TRMT10B: variants seen among roughly 807,000 people sequenced by gnomAD.
The protein encoded by TRMT10B is tRNA methyltransferase 10 homolog B.
A neutral mutation model predicts 43.8 loss-of-function variants in TRMT10B; 33 were observed. The observed-to-expected ratio is 0.75, with a 90% CI of 0.57 to 1.01. The LOEUF is 1.01. Ranked by LOEUF, TRMT10B falls within the 50% of genes least tolerant of loss-of-function variation. The pLI is 0.00. For missense variants in TRMT10B, 362 were observed against 369.8 expected, an observed-to-expected ratio of 0.98 and a Z score of 0.17; for synonymous variants, 137 against 130.6, an observed-to-expected ratio of 1.05 and a Z score of -0.34.
intron 4 of TRMT10B, chr9:37,766,875 T>G (rs942275164): frequency 4.6e-5 from 7 of 152,234 alleles, no homozygotes; most frequent in African/African-American, 1.7e-4. Flanking sequence ...TTTGGCTGTT[T>G]GTCTGTTATT....
chr9:37,769,618 G>GT (rs796085877), intron 5 of TRMT10B: 7,344 of 178,608 alleles, frequency 0.041, 54 homozygotes, highest in South Asian at 0.074. Flanking sequence ...TTTGAGCGGG[G>GT]TTTTTTTTTT....
At chr9:37,773,834 T>TAC in intron 7 of TRMT10B, among the ~76,000 whole-genome samples, 1 of 151,232 alleles carries the variant, frequency 6.6e-6, no homozygotes, top group Non-Finnish European at 1.5e-5. Flanking sequence ...CTCTGTTTCA[T>TAC]ACACACACAA....
At chr9:37,763,809 G>A (rs945645013) in intron 4 of TRMT10B, 56 bp downstream of exon 4, 10 of 1,611,672 alleles carry the variant, frequency 6.2e-6, no homozygotes, top group Non-Finnish European at 8.5e-6. Context: ...GCCCAGAAGG[G>A]TACAGCTTTC....
intron 5 of TRMT10B, 98 bp from the exon 6 acceptor site, chr9:37,769,843 T>G (rs1827370551): frequency 1.1e-6 from 1 of 908,364 alleles, no homozygotes; most frequent in Admixed American, 1.7e-5. Context: ...GCTCAAGTGA[T>G]CCTTCCACCT....
intron 5 of TRMT10B, 47 bp downstream of exon 5, chr9:37,768,275 T>C (rs757268025): frequency 2.6e-6 from 4 of 1,548,908 alleles, no homozygotes; most frequent in Non-Finnish European, 3.5e-6. Context: ...TGAAAAGTTA[T>C]TGTGGTTAAT....
intron 4 of TRMT10B, among the ~76,000 whole-genome samples, chr9:37,764,475 C>A (rs978150240): frequency 3.9e-5 from 6 of 152,008 alleles, no homozygotes; most frequent in African/African-American, 1.5e-4. Context: ...GCTCCTGCCA[C>A]CATGCCCAGC....
intron 3 of TRMT10B, 132 bp from the exon 4 acceptor site, chr9:37,763,497 T>C: frequency 2.8e-6 from 2 of 722,882 alleles, no homozygotes; most frequent in Non-Finnish European, 4.5e-6. Context: ...GTAAATCTTC[T>C]AATGAACGAA....
chr9:37,765,062 T>C (rs1391173030), intron 4 of TRMT10B, among the ~76,000 whole-genome samples: 1 of 152,182 alleles, frequency 6.6e-6, no homozygotes, highest in Non-Finnish European at 1.5e-5. Flanking sequence ...CCAAAACTCC[T>C]TAGGGATAAA....
intron 3 of TRMT10B, among the ~76,000 whole-genome samples, chr9:37,763,143 CAAAAAA>C (rs747893643): frequency 2.0e-5 from 1 of 50,212 alleles, no homozygotes; most frequent in Non-Finnish European, 3.9e-5. Context: ...GACTCTGTCT[CAAAAAA>C]AAAAAAAAAA....
chr9:37,753,591 G>T (rs1479407789), upstream of TRMT10B, among the ~76,000 whole-genome samples: 1 of 152,190 alleles, frequency 6.6e-6, no homozygotes, highest in Non-Finnish European at 1.5e-5. Context: ...AAGGGTTGGG[G>T]TTGTAATAGC....
chr9:37,755,456 T>C (rs755759166), intron 1 of TRMT10B, among the ~76,000 whole-genome samples: 11 of 152,188 alleles, frequency 7.2e-5, no homozygotes, highest in East Asian at 1.9e-4. Flanking sequence ...GCATAGATAA[T>C]GTCCCACACA....
chr9:37,764,037 C>T (rs534324525), intron 4 of TRMT10B, among the ~76,000 whole-genome samples: 3 of 152,316 alleles, frequency 2.0e-5, no homozygotes, highest in East Asian at 1.9e-4. Context: ...CTGGATGGAA[C>T]CTTTCAGGTT....
intron 7 of TRMT10B, 133 bp from the exon 8 acceptor site, chr9:37,776,149 C>T (rs1828114387): frequency 1.3e-6 from 1 of 774,092 alleles, no homozygotes; most frequent in African/African-American, 1.8e-5. Context: ...CACATAAGCT[C>T]TTGAGACAGT....
At position 37,776,382 on chromosome 9, in the gene TRMT10B, CAG is replaced by C. The variant is rs1209038901; in HGVS notation, c.825_826del (p.Glu275AspfsTer9). On this transcript the variant is annotated frameshift_variant, in exon 8 of 9. Transcript: ENST00000297994. LOFTEE classifies it high-confidence loss of function. ...AACCAGAATGGGAAAAACTATCATT[CAG>C]AGATACTGGCCATCAATCAAGGTAC... The C allele has an allele frequency of 3.1e-6, 5 of 1,611,210 alleles. No homozygotes were observed. The highest frequency in any genetic ancestry group is 4.2e-6 in the Non-Finnish European group (5 of 1,178,922).
At chr9:37,764,514 G>T (rs558846512) in intron 4 of TRMT10B, among the ~76,000 whole-genome samples, 44 of 151,742 alleles carry the variant, frequency 2.9e-4, no homozygotes, top group Non-Finnish European at 5.2e-4. Context: ...GTAGAGATGG[G>T]GTTTCACCAT....
At chr9:37,759,340 C>T (rs1352718219) in intron 1 of TRMT10B, among the ~76,000 whole-genome samples, 1 of 152,132 alleles carries the variant, frequency 6.6e-6, no homozygotes, top group Non-Finnish European at 1.5e-5. Flanking sequence ...GTATAAGTCT[C>T]AAATATTTTG....
rs1465839698 is a variant in TRMT10B at position 37,770,654 on chromosome 9, C to G, written c.653-18C>G. The G allele has an allele frequency of 6.2e-7, 1 of 1,608,266 alleles. No homozygotes were observed. Among genetic ancestry groups the G allele is most frequent in the Non-Finnish European group, 8.5e-7 (1 of 1,176,460 alleles). On this transcript the variant is annotated intron_variant, in intron 6 of 8. Transcript: ENST00000297994. ...TATAAAACAGATTTGATCTCATTGG[C>G]CTTCATTTTTTCATTAGCTCTTGAA...
intron 7 of TRMT10B, among the ~76,000 whole-genome samples, chr9:37,775,680 C>G (rs1460877447): frequency 6.6e-6 from 1 of 152,154 alleles, no homozygotes; most frequent in African/African-American, 2.4e-5. Context: ...ACTACAGGCA[C>G]ACACCAGCAC....
chr9:37,767,996 C>T, intron 4 of TRMT10B, 80 bp from the exon 5 acceptor site: 2 of 1,542,868 alleles, frequency 1.3e-6, no homozygotes, highest in South Asian at 2.3e-5. Context: ...GTTCAGTGAA[C>T]TTATTGTAGC....
Sources: allele counts gnomAD v4.1 joint callset (sites outside exome capture counted in the v4.1 genomes callset), GRCh38; gene constraint gnomAD v4.1.1; transcripts MANE v1.5; gene names NCBI Gene and HGNC (gene_info 2026-07-23, HGNC 2026-07-21).